SPCS3: variants seen among roughly 807,000 people sequenced by gnomAD.
SPCS3 encodes the protein signal peptidase complex subunit 3.
In SPCS3, 9 loss-of-function variants were observed where a neutral mutation model predicts 17.2. The observed-to-expected ratio is 0.52, with a 90% CI of 0.31 to 0.91. The LOEUF (loss-of-function observed/expected upper bound fraction) is 0.91. SPCS3 is among the 40% of genes least tolerant of loss of function. The pLI, the probability that SPCS3 is intolerant of heterozygous loss-of-function variation, is 0.04. For synonymous variants in SPCS3, 87 were observed against 89.6 expected, an observed-to-expected ratio of 0.97 and a Z score of 0.16; for missense variants, 139 against 217.5, an observed-to-expected ratio of 0.64 and a Z score of 2.27.
chr4:176,323,831 G>C (rs1457655183), intron 2 of SPCS3, among the ~76,000 whole-genome samples: 3 of 150,544 alleles, frequency 2.0e-5, no homozygotes, highest in Non-Finnish European at 4.4e-5. Flanking sequence ...GTATTTGCTT[G>C]AAATATCGAG....
At position 176,328,283 on chromosome 4, in the gene SPCS3, G is replaced by A. The variant is rs200081257; in HGVS notation, c.496G>A (p.Val166Ile). Residue 166 changes from valine to isoleucine, a missense_variant, in exon 5 of 5, where the codon GTA becomes ATA. By Grantham distance (29) the Val-to-Ile change is conservative (BLOSUM62 3). Coordinates refer to ENST00000503362, the MANE Select transcript of SPCS3 (RefSeq NM_021928.4). ...ACCTCTTGTGACAGGATCAGGACAC[G>A]TATCTGTCCCATTTCCAGATACATA... ...ILPLVTGSGH[V>I]SVPFPDTYEI... is the part of the protein sequence containing the mutation. 1.5e-4 allele frequency: 247 copies of A among 1,610,930 alleles called. No homozygotes were observed. The East Asian group carries it at 2.1e-3, about 14-fold the overall frequency.
At position 176,327,888 on chromosome 4, in the gene SPCS3, T is replaced by G. The variant is rs544477585; in HGVS notation, c.411-310T>G. On this transcript the variant is annotated intron_variant, in intron 4 of 4. Coordinates refer to ENST00000503362, the MANE Select transcript of SPCS3 (RefSeq NM_021928.4). ...TTAGGCTTCAAATCATTGCTCTGAT[T>G]CTTAGCTCGTCTCTTTTTACATTTA... 7.2e-5 allele frequency among the ~76,000 whole-genome samples: 11 copies of G among 152,374 alleles called. No individual in the cohort carries two copies. In the South Asian group the frequency reaches 2.3e-3, roughly 32 times the overall value.
intron 2 of SPCS3, among the ~76,000 whole-genome samples, chr4:176,323,426 C>T (rs780952639): frequency 3.3e-5 from 5 of 152,102 alleles, no homozygotes; most frequent in Non-Finnish European, 5.9e-5. Flanking sequence ...CAGTCCTAGA[C>T]TTAGTTCTAA....
chr4:176,323,174 C>T (rs1370802349), intron 2 of SPCS3, among the ~76,000 whole-genome samples: 1 of 152,080 alleles, frequency 6.6e-6, no homozygotes, highest in Non-Finnish European at 1.5e-5. Flanking sequence ...AGTGTACCAT[C>T]GGAAGAGTCT....
At chr4:176,322,711 C>T (rs190262471) in intron 2 of SPCS3, among the ~76,000 whole-genome samples, 3 of 152,106 alleles carry the variant, frequency 2.0e-5, no homozygotes, top group Admixed American at 2.0e-4. Flanking sequence ...TATTGGTAAC[C>T]TGTGGTTGCT....
intron 1 of SPCS3, 98 bp downstream of exon 1, chr4:176,320,317 G>C (rs1731518350): frequency 3.5e-6 from 4 of 1,141,464 alleles, no homozygotes; most frequent in Non-Finnish European, 4.4e-6. Flanking sequence ...CCGGGGCCGC[G>C]GGCAGGGCGT....
chr4:176,324,301 C>A, intron 3 of SPCS3, 44 bp downstream of exon 3: 2 of 882,000 alleles, frequency 2.3e-6, no homozygotes, highest in South Asian at 2.2e-5. Flanking sequence ...TATTTAAAGT[C>A]TTACTCTTTA....
intron 2 of SPCS3, among the ~76,000 whole-genome samples, chr4:176,322,476 A>G (rs1731551090): frequency 2.0e-5 from 3 of 152,172 alleles, no homozygotes; most frequent in Non-Finnish European, 4.4e-5. Flanking sequence ...CGAAACATTA[A>G]ATTGATTGAA....
chr4:176,331,922 A>AT lies in SPCS3; in HGVS notation c.*3598dup, dbSNP rs1439207467. Reference sequence around the variant, plus strand: ...TTCTTAATTGCAATAAATATTCAGCATTTTTTCTAATGAAAATGAATTTTG... The same window carrying AT: ...TTCTTAATTGCAATAAATATTCAGCATTTTTTTCTAATGAAAATGAATTTTG... On this transcript the variant is annotated 3_prime_UTR_variant, in exon 5 of 5. Transcript: ENST00000503362. The AT allele has an allele frequency of 6.6e-6, 1 of 152,194 alleles. No individual in the cohort carries two copies. The highest frequency in any genetic ancestry group is 1.5e-5 in the Non-Finnish European group (1 of 68,036). 9.4% of individuals were successfully genotyped at this position (152,194 alleles called of 1,614,324 possible).
At position 176,330,545 on chromosome 4, in the gene SPCS3, T is replaced by C. The variant is rs1731672438; in HGVS notation, c.*2215T>C. On this transcript the variant is annotated 3_prime_UTR_variant, in exon 5 of 5. Coordinates refer to ENST00000503362, the MANE Select transcript of SPCS3 (RefSeq NM_021928.4). Reference sequence around the variant, plus strand: ...CTAGTACAATGTGGAGAAAGTTTTCTGTTTGCTTGACTAAGGGAAATTGCT... The same window carrying C: ...CTAGTACAATGTGGAGAAAGTTTTCCGTTTGCTTGACTAAGGGAAATTGCT... 6.6e-6 allele frequency: 1 copy of C among 152,240 alleles called. No individual in the cohort carries two copies. The highest frequency in any genetic ancestry group is 1.5e-5 in the Non-Finnish European group (1 of 68,028). The allele number at this position is 152,240 out of a possible 1,614,324, so 9.4% of individuals were successfully genotyped here. A position where few individuals can be genotyped will look rare whatever the true frequency, so the allele number is the denominator to read the frequency against.
Position 176,320,031 on chromosome 4 carries a change from A to G in SPCS3, c.-46A>G. 6.9e-7 allele frequency: 1 copy of G among 1,459,588 alleles called. No homozygotes were observed. Among genetic ancestry groups the G allele is most frequent in the Non-Finnish European group, 9.2e-7 (1 of 1,090,444 alleles). 90.4% of individuals were successfully genotyped at this position (1,459,588 alleles called of 1,614,324 possible). A position where few individuals can be genotyped will look rare whatever the true frequency, so the allele number is the denominator to read the frequency against. ...GGAGCCGGTCCGCCGCCGGAACGGG[A>G]GCCTGGGTGTGCGTGTGGAGTCCGG... On this transcript the variant is annotated 5_prime_UTR_variant, in exon 1 of 5. Coordinates refer to ENST00000503362, the MANE Select transcript of SPCS3 (RefSeq NM_021928.4).
chr4:176,328,014 C>G (rs1355715996), intron 4 of SPCS3, among the ~76,000 whole-genome samples, 184 bp from the exon 5 acceptor site: 1 of 152,188 alleles, frequency 6.6e-6, no homozygotes, highest in Non-Finnish European at 1.5e-5. Flanking sequence ...CCCCTGTCTT[C>G]TAGCATTGTC....
At chr4:176,325,230 A>G (rs530622034) in intron 3 of SPCS3, among the ~76,000 whole-genome samples, 2 of 151,580 alleles carry the variant, frequency 1.3e-5, no homozygotes, top group East Asian at 1.9e-4. Context: ...TAATTTTTGT[A>G]TTTTTAGTAG....
At chr4:176,322,064 T>C (rs989332843) in intron 1 of SPCS3, 106 bp from the exon 2 acceptor site, 1 of 585,460 alleles carries the variant, frequency 1.7e-6, no homozygotes, top group Non-Finnish European at 3.0e-6. Context: ...CTTTGTGGAA[T>C]TGCAGTTTCA....
chr4:176,322,078 A>T, intron 1 of SPCS3, 92 bp from the exon 2 acceptor site: 1 of 750,398 alleles, frequency 1.3e-6, no homozygotes. Flanking sequence ...AGTTTCACCT[A>T]TGCACACACC....
In SPCS3 at chr4:176,331,321, A is replaced by G. The variant is rs1269536595; in HGVS notation, c.*2991A>G. 6 of 152,164 alleles carry G rather than the reference A, an allele frequency of 3.9e-5. No individual in the cohort carries two copies. The highest frequency in any genetic ancestry group is 1.4e-4 in the African/African-American group (6 of 41,448). 9.4% of individuals were successfully genotyped at this position (152,164 alleles called of 1,614,324 possible). On this transcript the variant is annotated 3_prime_UTR_variant, in exon 5 of 5. Transcript: ENST00000503362. The stretch of plus-strand genomic sequence containing the variant: ...TTATTTTATAATACTTTGCATTGAC[A>G]TGAAGTGGGTTCATGGGGGAAAACC...
chr4:176,327,328 AG>A lies in SPCS3; in HGVS notation c.410+52del, dbSNP rs1398556248. 4.0e-5 allele frequency: 44 copies of A among 1,108,350 alleles called. No homozygotes were observed. The Middle Eastern group carries it at 2.2e-3, about 55-fold the overall frequency. The allele number at this position is 1,108,350 out of a possible 1,614,324, so 68.7% of individuals were successfully genotyped here. On this transcript the variant is annotated intron_variant, in intron 4 of 4. Coordinates refer to ENST00000503362, the MANE Select transcript of SPCS3 (RefSeq NM_021928.4). ...ACATTTAATAAGAGGTGAAAAAGAGAGAAAGATGTATTTTTATTTTAAAGAA... is the reference window on the plus strand; with the variant it reads ...ACATTTAATAAGAGGTGAAAAAGAGAAAAGATGTATTTTTATTTTAAAGAA...
At chr4:176,325,273 C>G (rs911080347) in intron 3 of SPCS3, among the ~76,000 whole-genome samples, 1 of 151,788 alleles carries the variant, frequency 6.6e-6, no homozygotes, top group African/African-American at 2.4e-5. Flanking sequence ...AGGCTGGTCT[C>G]GAACTCCTAA....
rs890392239 is a variant in SPCS3, at chr4:176,329,597, C to T, written c.*1267C>T. 1 of 152,086 alleles carries T rather than the reference C, an allele frequency of 6.6e-6. No individual in the cohort carries two copies. Among genetic ancestry groups the T allele is most frequent in the Non-Finnish European group, 1.5e-5 (1 of 67,978 alleles). 9.4% of individuals were successfully genotyped at this position (152,086 alleles called of 1,614,324 possible). On this transcript the variant is annotated 3_prime_UTR_variant, in exon 5 of 5. Transcript: ENST00000503362. ...TTATTCTCTGAATAAATTCATTTCACTTATATTAAAAGCATAAGGAAATCT... is the reference window on the plus strand; with the variant it reads ...TTATTCTCTGAATAAATTCATTTCATTTATATTAAAAGCATAAGGAAATCT...
Sources: gnomAD v4.1 joint callset for allele counts (sites outside exome capture counted in the v4.1 genomes callset) on GRCh38, gnomAD v4.1.1 for gene constraint, MANE v1.5 for transcripts, NCBI Gene and HGNC (gene_info 2026-07-23, HGNC 2026-07-21) for gene names.